The following RANBP9 variants were observed in gnomAD, a reference collection of about 807,000 sequenced individuals.
RANBP9 encodes the protein RAN binding protein 9, also known as ran-binding protein 9.
RANBP9 carries 15 observed loss-of-function variants against 84.3 expected under a neutral mutation model. The ratio of observed to expected loss-of-function variants is 0.18; its 90% CI spans 0.12 to 0.27. The LOEUF (loss-of-function observed/expected upper bound fraction) is 0.27. Ranked by LOEUF, RANBP9 falls within the 10% of genes least tolerant of loss-of-function variation. RANBP9 has a pLI of 1.00. For missense variants in RANBP9, 809 were observed against 912.8 expected (o/e 0.89, Z 1.46); for synonymous variants, 392 against 349.6 (o/e 1.12, Z -1.35).
At chr6:13,669,144 A>AC (rs1765717807) in intron 2 of RANBP9, among the ~76,000 whole-genome samples, 1 of 152,094 alleles carries the variant, frequency 6.6e-6, no homozygotes, top group South Asian at 2.1e-4. Context: ...AATAAAAAAA[A>AC]AGAATACTTA....
Position 13,632,427 on chromosome 6 carries a change from C to A in RANBP9, c.1890G>T (p.Met630Ile). Residue 630 changes from methionine to isoleucine, a missense_variant, in exon 12 of 14, where the codon ATG becomes ATT. Met to Ile is a conservative substitution (Grantham distance 10). This residue lies in a region of RANBP9 where 233 missense variants were observed against 234.4 expected (regional missense o/e 0.99). Coordinates refer to ENST00000011619, the MANE Select transcript of RANBP9 (RefSeq NM_005493.3). ...CACAGTCTCTCCTTAGCTGTTCACTCATTGCTTGCAGCTCTCGTCCAAAGT... is the reference window on the plus strand; with the variant it reads ...CACAGTCTCTCCTTAGCTGTTCACTAATTGCTTGCAGCTCTCGTCCAAAGT... ...MIHFGRELQA[M>I]SEQLRRDCGK... 6.2e-7 allele frequency: 1 copy of A among 1,614,002 alleles called. No individual in the cohort carries two copies. The highest frequency in any genetic ancestry group is 1.1e-5 in the South Asian group (1 of 91,082).
rs551541904 is a variant in RANBP9, at chr6:13,652,596, G to T, written c.927+63C>A. Reference sequence around the variant, plus strand: ...ATTTTAAACTTTCTAAATATGCCCAGTATCAGTTTCTTTATACTTCCTGTA... The same window carrying T: ...ATTTTAAACTTTCTAAATATGCCCATTATCAGTTTCTTTATACTTCCTGTA... On this transcript the variant is annotated intron_variant, in intron 5 of 13. Transcript: ENST00000011619. The T allele has an allele frequency of 5.7e-6, 8 of 1,392,366 alleles. No individual in the cohort carries two copies. The South Asian group carries it at 7.4e-5, about 13-fold the overall frequency. The allele number at this position is 1,392,366 out of a possible 1,614,324, so 86.3% of individuals were successfully genotyped here.
intron 2 of RANBP9, among the ~76,000 whole-genome samples, chr6:13,668,378 C>T (rs867807484): frequency 6.6e-6 from 1 of 151,946 alleles, no homozygotes; most frequent in Non-Finnish European, 1.5e-5. Context: ...TCTACAAAGC[C>T]AGTACTATCT....
Position 13,705,669 on chromosome 6 carries a change from G to A in RANBP9, c.571+5266C>T, listed in dbSNP as rs574319474. Among the ~76,000 whole-genome samples the A allele has an allele frequency of 7.3e-5, 11 of 150,912 alleles. No homozygotes were observed. In the South Asian group the frequency reaches 2.3e-3, roughly 31 times the overall value. ...AAGGTCAGGAGATCAAGACCATCCT[G>A]ACTAACTCGGTGAAACCCCCTCTCT... On this transcript the variant is annotated intron_variant, in intron 1 of 13. Transcript: ENST00000011619.
intron 2 of RANBP9, among the ~76,000 whole-genome samples, chr6:13,675,989 A>G (rs184519692): frequency 2.6e-4 from 39 of 152,214 alleles, no homozygotes; most frequent in East Asian, 2.3e-3. Context: ...AATTAAATCA[A>G]TAATTAATAA....
intron 2 of RANBP9, among the ~76,000 whole-genome samples, chr6:13,692,540 A>AAG (rs1766349493): frequency 6.9e-6 from 1 of 145,408 alleles, no homozygotes; most frequent in Non-Finnish European, 1.5e-5. Context: ...AAAAAAAAAA[A>AAG]AAAAAAAAAA....
intron 13 of RANBP9, among the ~76,000 whole-genome samples, chr6:13,624,484 T>TA (rs1443734785): frequency 1.3e-5 from 2 of 152,220 alleles, no homozygotes; most frequent in Non-Finnish European, 2.9e-5. Flanking sequence ...ACCTGGGAAT[T>TA]AGACTCTGAA....
chr6:13,631,536 C>G (rs1764781210), intron 12 of RANBP9, among the ~76,000 whole-genome samples: 1 of 152,190 alleles, frequency 6.6e-6, no homozygotes, highest in Non-Finnish European at 1.5e-5. Context: ...GATACTCAAC[C>G]TGTACTAACT....
intron 2 of RANBP9, among the ~76,000 whole-genome samples, chr6:13,683,202 A>T (rs973089249): frequency 9.8e-5 from 15 of 152,326 alleles, no homozygotes; most frequent in Admixed American, 7.8e-4. Context: ...CAAAGCCAAA[A>T]AGGTCTAGGA....
At position 13,637,809 on chromosome 6, in the gene RANBP9, T is replaced by C. The variant is rs1451095358; in HGVS notation, c.1672A>G (p.Ser558Gly). 1 of 1,587,090 alleles carries C rather than the reference T, an allele frequency of 6.3e-7. No homozygotes were observed. The highest frequency in any genetic ancestry group is 8.6e-7 in the Non-Finnish European group (1 of 1,169,458). Residue 558 changes from serine (S) to glycine (G), a missense_variant and splice_region_variant, in exon 10 of 14, where the codon AGT (serine) becomes GGT (glycine). This residue lies in a region of RANBP9 where 233 missense variants were observed against 234.4 expected (regional missense o/e 0.99). Transcript: ENST00000011619. ...SRSQQVNNFT[S>G]NDVDMETDHY... ...GCAAAAGTCAGTGAAATTACTTACCTGGTGAAGTTATTAACTTGCTGTGAT... is the reference window on the plus strand; with the variant it reads ...GCAAAAGTCAGTGAAATTACTTACCCGGTGAAGTTATTAACTTGCTGTGAT...
rs1765140484 is a variant in RANBP9, at chr6:13,644,626, T to G, written c.1031A>C (p.Glu344Ala). 1.9e-6 allele frequency: 3 copies of G among 1,613,554 alleles called. No homozygotes were observed. The highest frequency in any genetic ancestry group is 2.5e-6 in the Non-Finnish European group (3 of 1,179,770). Reference protein sequence around the residue: ...FVFDIEDYMREWRTKIQAQID... With the variant: ...FVFDIEDYMRAWRTKIQAQID... ...CTGTGCCTGGATTTTGGTTCTCCAC[T>G]CCCGCATATAGTCTTCTATATCAAA... The change falls in exon 6 of 14, where the codon GAG becomes GCG. Residue 344 changes from glutamate to alanine, a missense_variant. Glu to Ala is a moderately radical substitution (Grantham distance 107, BLOSUM62 -1). Coordinates refer to ENST00000011619, the MANE Select transcript of RANBP9 (RefSeq NM_005493.3).
At position 13,710,926 on chromosome 6, in the gene RANBP9, G is replaced by T; in HGVS notation, c.571+9C>A. ...GCCCCACTCCCACCGCAGGACACAC[G>T]CCCAGTACCTTTGTAGTGCACCCGC... is the stretch of plus-strand genomic sequence containing the variant. On this transcript the variant is annotated intron_variant, in intron 1 of 13. Coordinates refer to ENST00000011619, the MANE Select transcript of RANBP9 (RefSeq NM_005493.3). The T allele has an allele frequency of 6.3e-7, 1 of 1,598,074 alleles. No individual in the cohort carries two copies. The highest frequency in any genetic ancestry group is 8.5e-7 in the Non-Finnish European group (1 of 1,172,978).
Position 13,658,804 on chromosome 6 carries a change from C to A in RANBP9, c.712G>T (p.Gly238Cys). The A allele has an allele frequency of 6.3e-7, 1 of 1,579,052 alleles. No homozygotes were observed. Among genetic ancestry groups the A allele is most frequent in the Non-Finnish European group, 8.7e-7 (1 of 1,148,400 alleles). ...CCTGGTAGTCTATTCATGTTCACAC[C>A]TTGAGCAGAAAGACCAATTCCCATG... ...GYMGIGLSAQ[G>C]VNMNRLPGWD... Residue 238 changes from glycine to cysteine, a missense_variant, in exon 3 of 14, where the codon GGT becomes TGT. Physicochemically the swap from Gly to Cys is radical, Grantham distance 159 (BLOSUM62 -3). Around this residue, in one of 5 missense-constraint regions of RANBP9, gnomAD observed 56 missense variants for 88.2 expected, o/e 0.63. Coordinates refer to ENST00000011619, the MANE Select transcript of RANBP9 (RefSeq NM_005493.3).
intron 2 of RANBP9, among the ~76,000 whole-genome samples, chr6:13,684,298 CT>C (rs1395591717): frequency 2.0e-5 from 3 of 152,278 alleles, no homozygotes; most frequent in African/African-American, 7.2e-5. Context: ...GCAAATCCAC[CT>C]CAGAAATCCC....
In RANBP9 at chr6:13,648,141, G is replaced by GTTTT. The variant is rs375219477; in HGVS notation, c.928-3416_928-3413dup. ...CAAAATATGTGATCTTATATGACTG[G>GTTTT]TTTTTTTTTTTTTTTTTTTTTTTTT... On this transcript the variant is annotated intron_variant, in intron 5 of 13. Coordinates refer to ENST00000011619, the MANE Select transcript of RANBP9 (RefSeq NM_005493.3). Among the ~76,000 whole-genome samples, 13 of 80,646 alleles carry GTTTT rather than the reference G, an allele frequency of 1.6e-4. 1 individual carries two copies. The highest frequency in any genetic ancestry group is 2.6e-4 in the Non-Finnish European group (11 of 42,130). The allele number at this position is 80,646 out of a possible 152,430, so 52.9% of individuals were successfully genotyped here.
chr6:13,675,360 G>C (rs911389167), intron 2 of RANBP9, among the ~76,000 whole-genome samples: 1 of 152,074 alleles, frequency 6.6e-6, no homozygotes, highest in African/African-American at 2.4e-5. Flanking sequence ...AAGATAGCTG[G>C]AAAATCCCCA....
chr6:13,636,430 G>C (rs947366056), intron 10 of RANBP9, among the ~76,000 whole-genome samples: 1 of 152,162 alleles, frequency 6.6e-6, no homozygotes, highest in Non-Finnish European at 1.5e-5. Context: ...GCAGACAAAG[G>C]AGGATGTTGT....
chr6:13,696,699 G>T, intron 2 of RANBP9, 86 bp downstream of exon 2: 1 of 1,133,674 alleles, frequency 8.8e-7, no homozygotes, highest in Non-Finnish European at 1.3e-6. Context: ...AAATTTCCAG[G>T]ATTCCAACTT....
At chr6:13,622,839 C>T (rs1194661655) in intron 13 of RANBP9, among the ~76,000 whole-genome samples, 1 of 152,180 alleles carries the variant, frequency 6.6e-6, no homozygotes, top group East Asian at 1.9e-4. Flanking sequence ...TCTGGTTGAT[C>T]AAAGTCAGTT....
Sources: gnomAD v4.1 joint callset for allele counts (sites outside exome capture counted in the v4.1 genomes callset) on GRCh38, gnomAD v4.1.1 for gene constraint, gnomAD v4.1.1 regional missense constraint, MANE v1.5 for transcripts, NCBI Gene and HGNC (gene_info 2026-07-23, HGNC 2026-07-21) for gene names.